GRM7: variants seen among roughly 807,000 people sequenced by gnomAD.
GRM7 encodes the protein glutamate metabotropic receptor 7.
Under a neutral mutation model 84.5 loss-of-function variants are expected in GRM7, and 35 were observed. The observed-to-expected ratio is 0.41, with a 90% CI of 0.32 to 0.55. The LOEUF (loss-of-function observed/expected upper bound fraction) is 0.55. Among genes scored for constraint, GRM7 ranks in the 20% least tolerant of loss-of-function variants. The pLI, the probability that GRM7 is intolerant of heterozygous loss-of-function variation, is 0.19. For missense variants in GRM7, 1,003 were observed against 1,194.6 expected (o/e 0.84, Z 2.36); for synonymous variants, 487 against 455.1 (o/e 1.07, Z -0.89).
intron 8 of GRM7, among the ~76,000 whole-genome samples, chr3:7,670,162 T>C (rs1699859558): frequency 6.6e-6 from 1 of 152,060 alleles, no homozygotes; most frequent in South Asian, 2.1e-4. Flanking sequence ...CCCACAACCA[T>C]GTTGCCACAG....
chr3:7,295,207 A>G (rs995516352), intron 2 of GRM7, among the ~76,000 whole-genome samples: 10 of 152,212 alleles, frequency 6.6e-5, no homozygotes, highest in Non-Finnish European at 1.2e-4. Context: ...TTATTTCTGC[A>G]TAAGAAAATC....
At chr3:7,449,721 G>C (rs886660685) in intron 5 of GRM7, among the ~76,000 whole-genome samples, 14 of 152,014 alleles carry the variant, frequency 9.2e-5, no homozygotes, top group African/African-American at 3.4e-4. Flanking sequence ...GCAAGAGAAG[G>C]TAAACTGTCA....
intron 1 of GRM7, among the ~76,000 whole-genome samples, chr3:6,890,452 A>G (rs1695887112): frequency 6.6e-6 from 1 of 152,196 alleles, no homozygotes; most frequent in African/African-American, 2.4e-5. Flanking sequence ...CGTTGGTTTC[A>G]AAGATCATCT....
chr3:7,474,469 A>T (rs890219519), intron 7 of GRM7, among the ~76,000 whole-genome samples: 1 of 151,036 alleles, frequency 6.6e-6, no homozygotes, highest in African/African-American at 2.4e-5. Context: ...GACAATTGAG[A>T]GTAGTAACCC....
chr3:7,718,996 T>A (rs1701851674), intron 9 of GRM7, among the ~76,000 whole-genome samples: 1 of 152,184 alleles, frequency 6.6e-6, no homozygotes, highest in Admixed American at 6.5e-5. Flanking sequence ...ATATTGGAGA[T>A]TTGGTAAATA....
chr3:7,067,549 T>A (rs1252508557), intron 1 of GRM7, among the ~76,000 whole-genome samples: 1 of 151,922 alleles, frequency 6.6e-6, no homozygotes, highest in Admixed American at 6.6e-5. Flanking sequence ...TGGAAACACA[T>A]CCCATGCTCA....
chr3:7,018,746 T>C (rs1357941848), intron 1 of GRM7, among the ~76,000 whole-genome samples: 1 of 152,240 alleles, frequency 6.6e-6, no homozygotes, highest in African/African-American at 2.4e-5. Flanking sequence ...GCACAAGAGA[T>C]GTCCTATATA....
At chr3:7,725,408 G>A (rs983740517) in intron 9 of GRM7, among the ~76,000 whole-genome samples, 1 of 152,008 alleles carries the variant, frequency 6.6e-6, no homozygotes, top group South Asian at 2.1e-4. Flanking sequence ...TATGAGCTTT[G>A]GGGCCAGACT....
At chr3:7,607,329 T>G (rs968706344) in intron 8 of GRM7, 1 of 151,982 alleles carries the variant, frequency 6.6e-6, no homozygotes, top group African/African-American at 2.4e-5. Context: ...TTTCCAACAG[T>G]GAGTACTGAC....
intron 8 of GRM7, among the ~76,000 whole-genome samples, chr3:7,610,492 T>C (rs1239541214): frequency 6.6e-6 from 1 of 152,200 alleles, no homozygotes; most frequent in Non-Finnish European, 1.5e-5. Flanking sequence ...CATTTATGTT[T>C]TCATTTCTAT....
intron 4 of GRM7, among the ~76,000 whole-genome samples, chr3:7,308,216 T>C (rs1462837223): frequency 6.6e-6 from 1 of 151,648 alleles, no homozygotes; most frequent in African/African-American, 2.4e-5. Context: ...GTACTAATCA[T>C]TGCTACACTG....
chr3:7,015,266 A>C (rs995594489), intron 1 of GRM7, among the ~76,000 whole-genome samples: 5 of 151,978 alleles, frequency 3.3e-5, no homozygotes, highest in Admixed American at 2.0e-4. Flanking sequence ...TGTAACACTC[A>C]CTGTGAAGGT....
At chr3:7,107,493 C>G (rs1400854702) in intron 1 of GRM7, among the ~76,000 whole-genome samples, 1 of 151,946 alleles carries the variant, frequency 6.6e-6, no homozygotes, top group Non-Finnish European at 1.5e-5. Context: ...AGATGTGTAC[C>G]AGATAGGACA....
At chr3:7,568,921 C>G (rs1233273074) in intron 7 of GRM7, among the ~76,000 whole-genome samples, 3 of 152,068 alleles carry the variant, frequency 2.0e-5, no homozygotes, top group Non-Finnish European at 2.9e-5. Context: ...GGACGAGCGC[C>G]GCCCCCTGCT....
At chr3:7,033,039 C>A (rs1164464424) in intron 1 of GRM7, among the ~76,000 whole-genome samples, 1 of 152,128 alleles carries the variant, frequency 6.6e-6, no homozygotes, top group Non-Finnish European at 1.5e-5. Context: ...GAGATGGGTC[C>A]TTTGGAGGCT....
At chr3:7,002,388 C>G (rs114957334) in intron 1 of GRM7, among the ~76,000 whole-genome samples, 2 of 152,148 alleles carry the variant, frequency 1.3e-5, no homozygotes, top group African/African-American at 4.8e-5. Flanking sequence ...AAGAATAGCT[C>G]CTATGTACCA....
intron 2 of GRM7, among the ~76,000 whole-genome samples, chr3:7,182,072 G>C (rs1695356841): frequency 6.6e-6 from 1 of 152,092 alleles, no homozygotes; most frequent in Non-Finnish European, 1.5e-5. Context: ...CAAAAACAGT[G>C]TGGTCTTGTT....
intron 2 of GRM7, among the ~76,000 whole-genome samples, chr3:7,235,049 T>C (rs1259244983): frequency 6.6e-6 from 1 of 152,186 alleles, no homozygotes; most frequent in East Asian, 1.9e-4. Flanking sequence ...CTAATTATTA[T>C]CTAAGCATCT....
chr3:7,326,496 C>T (rs949546848), intron 4 of GRM7, among the ~76,000 whole-genome samples: 4 of 152,126 alleles, frequency 2.6e-5, no homozygotes, highest in Admixed American at 1.3e-4. Flanking sequence ...TTTAATTAAG[C>T]ACCCTACGTA....
Sources: allele counts gnomAD v4.1 joint callset (sites outside exome capture counted in the v4.1 genomes callset), GRCh38; gene constraint gnomAD v4.1.1; transcripts MANE v1.5; gene names NCBI Gene and HGNC (gene_info 2026-07-23, HGNC 2026-07-21).